Variants in GRM8 observed in about 807,000 individuals in gnomAD.
GRM8 encodes the protein metabotropic glutamate receptor 8.
In GRM8, 47 loss-of-function variants were observed where a neutral mutation model predicts 87.2. That is an observed-to-expected ratio of 0.54 (90% CI 0.43 to 0.69). The LOEUF (loss-of-function observed/expected upper bound fraction) is 0.69. GRM8 is among the 30% of genes least tolerant of loss of function. GRM8 has a pLI of 0.00. For missense variants in GRM8, 1,019 were observed against 1,139.2 expected, an observed-to-expected ratio of 0.89 and a Z score of 1.52; for synonymous variants, 396 against 404.5, an observed-to-expected ratio of 0.98 and a Z score of 0.25.
intron 3 of GRM8, among the ~76,000 whole-genome samples, chr7:127,030,373 C>T (rs1052550412): frequency 5.3e-5 from 8 of 152,096 alleles, no homozygotes; most frequent in Non-Finnish European, 1.0e-4. Context: ...TACCCAGTGC[C>T]TCTCAATAAA....
At chr7:127,025,811 A>G (rs1224445498) in intron 3 of GRM8, among the ~76,000 whole-genome samples, 2 of 152,104 alleles carry the variant, frequency 1.3e-5, no homozygotes, top group Non-Finnish European at 2.9e-5. Context: ...AGAAGCAACT[A>G]GAGCTACTTT....
chr7:126,899,700 C>G (rs1260061193), intron 6 of GRM8, among the ~76,000 whole-genome samples: 4 of 151,506 alleles, frequency 2.6e-5, no homozygotes, highest in Non-Finnish European at 5.9e-5. Context: ...CATCAAGATC[C>G]TACTCTGCAT....
chr7:126,440,106 T>A (rs1801285269), intron 10 of GRM8, among the ~76,000 whole-genome samples: 1 of 151,842 alleles, frequency 6.6e-6, no homozygotes. Flanking sequence ...GTAGTCTAAG[T>A]GTAGAGTTTT....
intron 3 of GRM8, among the ~76,000 whole-genome samples, chr7:126,974,183 A>C (rs1265006056): frequency 6.6e-6 from 1 of 152,230 alleles, no homozygotes; most frequent in Non-Finnish European, 1.5e-5. Context: ...CATCCCCCAG[A>C]TATCTCACTA....
chr7:127,011,790 T>A (rs373617330), intron 3 of GRM8, among the ~76,000 whole-genome samples: 6 of 152,292 alleles, frequency 3.9e-5, no homozygotes, highest in East Asian at 3.9e-4. Flanking sequence ...TGTGTGATAG[T>A]ACTTTCTTAC....
rs893052692 is a variant in GRM8 at position 126,931,486 on chromosome 7, A to G, written c.728-26803T>C. On this transcript the variant is annotated intron_variant, in intron 3 of 10. Coordinates refer to ENST00000339582, the MANE Select transcript of GRM8 (RefSeq NM_000845.3). The stretch of plus-strand genomic sequence containing the variant: ...ACAAACAATAGATTAATAGCATTTC[A>G]TATCATTCACAGATAACTAAAAAGT... 4.1e-4 allele frequency among the ~76,000 whole-genome samples: 62 copies of G among 152,254 alleles called. 1 individual carries two copies. Among genetic ancestry groups the G allele is most frequent in the Admixed American group, 4.6e-4 (7 of 15,292 alleles).
At chr7:126,500,816 T>C (rs888397568) in intron 9 of GRM8, among the ~76,000 whole-genome samples, 14 of 151,952 alleles carry the variant, frequency 9.2e-5, no homozygotes, top group Non-Finnish European at 1.6e-4. Flanking sequence ...TAGGAGGTAA[T>C]GTATCAACCA....
intron 3 of GRM8, among the ~76,000 whole-genome samples, chr7:126,939,525 G>A (rs1028086111): frequency 6.6e-6 from 1 of 152,182 alleles, no homozygotes; most frequent in Non-Finnish European, 1.5e-5. Flanking sequence ...GAAAGAGTAA[G>A]CATTCAGATA....
intron 6 of GRM8, among the ~76,000 whole-genome samples, chr7:126,848,502 C>G (rs558810012): frequency 1.3e-5 from 2 of 152,024 alleles, no homozygotes; most frequent in Non-Finnish European, 2.9e-5. Flanking sequence ...TGTCTTTTTA[C>G]TTTTATTAAT....
chr7:126,740,770 A>C (rs1042627887), intron 7 of GRM8, among the ~76,000 whole-genome samples: 5 of 152,160 alleles, frequency 3.3e-5, no homozygotes, highest in African/African-American at 4.8e-5. Context: ...GTCTTGTCTT[A>C]AAGATTCACG....
intron 7 of GRM8, among the ~76,000 whole-genome samples, chr7:126,754,178 T>C (rs1355702746): frequency 1.3e-5 from 2 of 151,908 alleles, no homozygotes; most frequent in Non-Finnish European, 2.9e-5. Flanking sequence ...GCATAGTCCC[T>C]TGTGTTATCA....
chr7:127,066,891 C>T (rs940058255), intron 3 of GRM8, among the ~76,000 whole-genome samples: 30 of 152,076 alleles, frequency 2.0e-4, no homozygotes, highest in South Asian at 1.0e-3. Context: ...ACATGTGGTG[C>T]TTAATGTTTT....
At chr7:126,575,453 G>A (rs1241947548) in intron 8 of GRM8, among the ~76,000 whole-genome samples, 2 of 151,770 alleles carry the variant, frequency 1.3e-5, no homozygotes, top group Non-Finnish European at 2.9e-5. Context: ...CATAATAAAT[G>A]TAATGCACTT....
At chr7:127,190,747 C>A (rs190383848) in intron 2 of GRM8, among the ~76,000 whole-genome samples, 1 of 152,152 alleles carries the variant, frequency 6.6e-6, no homozygotes, top group Non-Finnish European at 1.5e-5. Flanking sequence ...TCTGAAGTAA[C>A]CAAACTAAAA....
chr7:126,580,750 G>A (rs1041573999), intron 8 of GRM8, among the ~76,000 whole-genome samples: 3 of 152,018 alleles, frequency 2.0e-5, no homozygotes, highest in East Asian at 1.9e-4. Context: ...AAGATCAAAC[G>A]AGTTAATAAA....
chr7:126,973,892 C>G (rs1258563459), intron 3 of GRM8, among the ~76,000 whole-genome samples: 1 of 152,074 alleles, frequency 6.6e-6, no homozygotes, highest in African/African-American at 2.4e-5. Context: ...AACTAGGATG[C>G]ACAGGTCCAG....
chr7:126,826,442 GT>G (rs1563223544), intron 6 of GRM8, among the ~76,000 whole-genome samples: 1 of 152,124 alleles, frequency 6.6e-6, no homozygotes, highest in East Asian at 1.9e-4. Context: ...TCTCATTGTG[GT>G]TTTGATTTGC....
At chr7:126,726,928 A>C (rs1454356057) in intron 7 of GRM8, among the ~76,000 whole-genome samples, 2 of 152,086 alleles carry the variant, frequency 1.3e-5, no homozygotes, top group Non-Finnish European at 2.9e-5. Context: ...AATATTGTCA[A>C]GCACTTAATA....
chr7:126,805,879 C>T (rs150101797), intron 6 of GRM8, among the ~76,000 whole-genome samples: 303 of 152,344 alleles, frequency 2.0e-3, no homozygotes, highest in African/African-American at 7.2e-3. Context: ...GCTGGTCTCA[C>T]AGACTTTCGG....
Sources: gnomAD v4.1 joint callset for allele counts (sites outside exome capture counted in the v4.1 genomes callset) on GRCh38, gnomAD v4.1.1 for gene constraint, MANE v1.5 for transcripts, NCBI Gene and HGNC (gene_info 2026-07-23, HGNC 2026-07-21) for gene names.